ETNPPL: variants seen among roughly 807,000 people sequenced by gnomAD.
The protein encoded by ETNPPL is ethanolamine-phosphate phospho-lyase, also known as alanine--glyoxylate aminotransferase 2-like 1.
A neutral mutation model predicts 55.5 loss-of-function variants in ETNPPL; 30 were observed. The observed-to-expected ratio is 0.54, with a 90% CI of 0.40 to 0.73. The LOEUF (loss-of-function observed/expected upper bound fraction) is 0.73. Ranked by LOEUF, ETNPPL falls within the 30% of genes least tolerant of loss-of-function variation. ETNPPL has a pLI of 0.00. For missense variants in ETNPPL, 528 were observed against 607.9 expected, an observed-to-expected ratio of 0.87 and a Z score of 1.38; for synonymous variants, 202 against 207.2, an observed-to-expected ratio of 0.98 and a Z score of 0.21.
In ETNPPL at chr4:108,749,442, A is replaced by G; in HGVS notation, c.723T>C (p.Gly241=). The G allele has an allele frequency of 6.2e-7, 1 of 1,611,780 alleles. No homozygotes were observed. The highest frequency in any genetic ancestry group is 8.5e-7 in the Non-Finnish European group (1 of 1,179,354). The part of the protein sequence containing the change: ...KVAEYVHGAG[G]VFIADEVQVG... ...CTTGAACTTCATCAGCTATAAACAC[A>G]CCCCCTGCACCGTGTACATATCTGA... The change falls in exon 8 of 13, where the codon GGT becomes GGC. Residue 241 remains glycine (G), a synonymous_variant. Coordinates refer to ENST00000296486, the MANE Select transcript of ETNPPL (RefSeq NM_031279.4).
chr4:108,752,551 T>C (rs1440214149), intron 6 of ETNPPL, among the ~76,000 whole-genome samples: 1 of 152,166 alleles, frequency 6.6e-6, no homozygotes, highest in East Asian at 1.9e-4. Flanking sequence ...AAATCTGCAT[T>C]GGTCCTCAGG....
rs1560656731 is a variant in ETNPPL, at chr4:108,753,808, A to AAAG, written c.502-798_502-797insCTT. On this transcript the variant is annotated intron_variant, in intron 5 of 12. Coordinates refer to ENST00000296486, the MANE Select transcript of ETNPPL (RefSeq NM_031279.4). ...AGAAAGAAAGAAAGAAAGAAAGAAA[A>AAAG]GAGAAGAAAAGAAAAGAAAAAAAGA... 1.0e-3 allele frequency among the ~76,000 whole-genome samples: 78 copies of AAAG among 75,162 alleles called. 3 individuals carry two copies. The highest frequency in any genetic ancestry group is 9.1e-3 in the Admixed American group (68 of 7,510). The allele number at this position is 75,162 out of a possible 152,430, so 49.3% of individuals were successfully genotyped here. A position where few individuals can be genotyped will look rare whatever the true frequency, so the allele number is the denominator to read the frequency against.
intron 1 of ETNPPL, chr4:108,762,451 A>T: frequency 1.6e-6 from 1 of 608,294 alleles, no homozygotes; most frequent in Non-Finnish European, 3.1e-6. Flanking sequence ...TTCTCAGTTC[A>T]CAGTTTCCAA....
intron 3 of ETNPPL, among the ~76,000 whole-genome samples, chr4:108,759,118 T>A (rs938092224): frequency 6.6e-6 from 1 of 152,172 alleles, no homozygotes; most frequent in African/African-American, 2.4e-5. Flanking sequence ...TCTTTTCTTA[T>A]GTTTGTATTG....
At chr4:108,746,610 T>G in intron 10 of ETNPPL, 81 bp from the exon 11 acceptor site, 1 of 1,520,116 alleles carries the variant, frequency 6.6e-7, no homozygotes, top group Non-Finnish European at 9.0e-7. Context: ...ATAGAGCAGT[T>G]TAAGTATTCT....
intron 4 of ETNPPL, among the ~76,000 whole-genome samples, chr4:108,755,668 AAGTT>A (rs1294062735): frequency 6.6e-6 from 1 of 152,138 alleles, no homozygotes; most frequent in Non-Finnish European, 1.5e-5. Flanking sequence ...AATACAAAAA[AAGTT>A]AGTTGGGCAT....
In ETNPPL at chr4:108,763,048, TGGCG is replaced by T; in HGVS notation, c.-154_-151del. The T allele has an allele frequency of 1.5e-6, 1 of 661,276 alleles. No individual in the cohort carries two copies. The highest frequency in any genetic ancestry group is 1.8e-5 in the African/African-American group (1 of 55,730). The allele number at this position is 661,276 out of a possible 1,614,324, so 41.0% of individuals were successfully genotyped here. On this transcript the variant is annotated 5_prime_UTR_variant, in exon 1 of 13. Coordinates refer to ENST00000296486, the MANE Select transcript of ETNPPL (RefSeq NM_031279.4). The stretch of plus-strand genomic sequence containing the variant: ...TGCCCGGGGCGTCGGAGGTCACCGG[TGGCG>T]TCAACTAGCTAGGATCATCTCCCTT...
In ETNPPL at chr4:108,746,392, G is replaced by A. The variant is rs959386923; in HGVS notation, c.1303+7C>T. The A allele has an allele frequency of 3.7e-6, 6 of 1,611,038 alleles. No individual in the cohort carries two copies. The highest frequency in any genetic ancestry group is 5.1e-6 in the Non-Finnish European group (6 of 1,178,876). On this transcript the variant is annotated splice_region_variant and intron_variant, in intron 11 of 12. Coordinates refer to ENST00000296486, the MANE Select transcript of ETNPPL (RefSeq NM_031279.4). The stretch of plus-strand genomic sequence containing the variant: ...CAAGAAGACATCTTAAAGATCCATG[G>A]ACCCACCTGTTAGAATCCTATCAAG...
chr4:108,756,412 A>C lies in ETNPPL; in HGVS notation c.410+6T>G. 1 of 1,610,134 alleles carries C rather than the reference A, an allele frequency of 6.2e-7. No individual in the cohort carries two copies. Among genetic ancestry groups the C allele is most frequent in the Non-Finnish European group, 8.5e-7 (1 of 1,176,296 alleles). Reference sequence around the variant, plus strand: ...CTTGCTTAAAAATCTTGTGTCCAAGACTTACTGGTCAAGAGTGATCACATC... The same window carrying C: ...CTTGCTTAAAAATCTTGTGTCCAAGCCTTACTGGTCAAGAGTGATCACATC... On this transcript the variant is annotated splice_donor_region_variant and intron_variant, in intron 4 of 12. Coordinates refer to ENST00000296486, the MANE Select transcript of ETNPPL (RefSeq NM_031279.4).
chr4:108,746,748 T>G lies in ETNPPL; in HGVS notation c.1172+14A>C. The G allele has an allele frequency of 6.2e-7, 1 of 1,610,724 alleles. No homozygotes were observed. The highest frequency in any genetic ancestry group is 8.5e-7 in the Non-Finnish European group (1 of 1,177,040). On this transcript the variant is annotated intron_variant, in intron 10 of 12. Coordinates refer to ENST00000296486, the MANE Select transcript of ETNPPL (RefSeq NM_031279.4). ...AGCCAAGATACCAAACAGGTGGGTG[T>G]GGGGGTGAATTACTTGTAGATGATG...
At chr4:108,760,004 A>G (rs1247673267) in intron 2 of ETNPPL, 96 bp from the exon 3 acceptor site, 6 of 1,341,084 alleles carry the variant, frequency 4.5e-6, no homozygotes, top group Non-Finnish European at 6.3e-6. Flanking sequence ...GCAAACAAAC[A>G]AACAAACAAA....
At chr4:108,756,554 G>A in intron 3 of ETNPPL, 62 bp from the exon 4 acceptor site, 1 of 1,296,218 alleles carries the variant, frequency 7.7e-7, no homozygotes, top group African/African-American at 1.5e-5. Context: ...CATTTAGGAT[G>A]TGCCAGGCAC....
chr4:108,747,166 AT>A (rs1560650420), intron 9 of ETNPPL, among the ~76,000 whole-genome samples: 1 of 13,474 alleles, frequency 7.4e-5, no homozygotes, highest in African/African-American at 4.8e-4. Context: ...TATATATATT[AT>A]ATATATATAT....
At chr4:108,761,923 C>T (rs1027885890) in intron 1 of ETNPPL, among the ~76,000 whole-genome samples, 1 of 152,096 alleles carries the variant, frequency 6.6e-6, no homozygotes, top group Non-Finnish European at 1.5e-5. Context: ...TCTCTCATGC[C>T]CACTGGCCCG....
chr4:108,762,862 G>A lies in ETNPPL; in HGVS notation c.37C>T (p.Leu13=). The A allele has an allele frequency of 1.2e-6, 2 of 1,614,098 alleles. No homozygotes were observed. Among genetic ancestry groups the A allele is most frequent in the Non-Finnish European group, 8.5e-7 (1 of 1,179,940 alleles). The change falls in exon 1 of 13, where the codon CTG becomes TTG. Residue 13 remains leucine, a synonymous_variant. Transcript: ENST00000296486. ...ELYSKRDTLG[L]RKKHIGPSCK... is the part of the protein sequence containing the mutation. The stretch of plus-strand genomic sequence containing the variant: ...CCTTACCCGATGTGCTTCTTCCTCA[G>A]CCCCAGAGTGTCCCGCTTACTGTAC...
At chr4:108,759,707 GT>G in intron 3 of ETNPPL, 41 bp downstream of exon 3, 1 of 1,595,142 alleles carries the variant, frequency 6.3e-7, no homozygotes, top group Non-Finnish European at 8.6e-7. Context: ...AGTAGACAAA[GT>G]TTAGTGGGAA....
chr4:108,752,914 G>A lies in ETNPPL; in HGVS notation c.599C>T (p.Ala200Val). The change falls in exon 6 of 13, where the codon GCT becomes GTT. Residue 200 changes from alanine (A) to valine (V), a missense_variant. Physicochemically the swap from Ala to Val is moderately conservative, Grantham distance 64. Coordinates refer to ENST00000296486, the MANE Select transcript of ETNPPL (RefSeq NM_031279.4). ...ACAAACCTTCCTTCCACTGTTATGA[G>A]CATCTTCAATGATTTTCTTCACTTC... is the stretch of plus-strand genomic sequence containing the variant. ...ADEVKKIIED[A>V]HNSGRKIAAF... The A allele has an allele frequency of 6.3e-7, 1 of 1,599,206 alleles. No homozygotes were observed. Among genetic ancestry groups the A allele is most frequent in the South Asian group, 1.1e-5 (1 of 90,486 alleles).
chr4:108,745,669 G>A (rs576522834), intron 11 of ETNPPL, among the ~76,000 whole-genome samples: 2 of 152,084 alleles, frequency 1.3e-5, no homozygotes, highest in Non-Finnish European at 2.9e-5. Context: ...GGTGACTTAC[G>A]TCTATAATCC....
chr4:108,760,992 A>G (rs1228508621), intron 1 of ETNPPL, among the ~76,000 whole-genome samples: 1 of 152,178 alleles, frequency 6.6e-6, no homozygotes, highest in Non-Finnish European at 1.5e-5. Context: ...TTTCATTTTC[A>G]TGTATTTTGA....
Sources: allele counts gnomAD v4.1 joint callset (sites outside exome capture counted in the v4.1 genomes callset), GRCh38; gene constraint gnomAD v4.1.1; transcripts MANE v1.5; gene names NCBI Gene and HGNC (gene_info 2026-07-23, HGNC 2026-07-21).